The following TOX3 variants were observed in gnomAD, a reference collection of about 807,000 sequenced individuals.
TOX3 encodes TOX high mobility group box family member 3.
In TOX3, 22 loss-of-function variants were observed where a neutral mutation model predicts 64.3. The observed-to-expected ratio is 0.34, with a 90% CI of 0.24 to 0.49. TOX3 has a LOEUF of 0.49. Among genes scored for constraint, TOX3 ranks in the 20% least tolerant of loss-of-function variants. The pLI is 0.99. For synonymous variants in TOX3, 291 were observed against 273.6 expected, an observed-to-expected ratio of 1.06 and a Z score of -0.63; for missense variants, 661 against 714.4, an observed-to-expected ratio of 0.93 and a Z score of 0.85.
intron 1 of TOX3, among the ~76,000 whole-genome samples, chr16:52,501,692 A>C (rs1055877706): frequency 6.6e-5 from 10 of 151,816 alleles, no homozygotes; most frequent in African/African-American, 1.2e-4. Context: ...AAAAAAAAAA[A>C]CAGAGAGAGA....
rs1168498170 is a variant in TOX3, at chr16:52,465,005, C to CTTTTTTTTTTTTT, written c.154-830_154-818dup. Reference sequence around the variant, plus strand: ...AGACCTAAGTAAGTCTTAATGCATTCTTTTTTTTTTTTTTTTTTTTTTTTT... The same window carrying CTTTTTTTTTTTTT: ...AGACCTAAGTAAGTCTTAATGCATTCTTTTTTTTTTTTTTTTTTTTTTTTTTTTTTTTTTTTTT... On this transcript the variant is annotated intron_variant, in intron 2 of 6. Coordinates refer to ENST00000219746, the MANE Select transcript of TOX3 (RefSeq NM_001080430.4). Among the ~76,000 whole-genome samples the CTTTTTTTTTTTTT allele has an allele frequency of 1.9e-3, 133 of 70,956 alleles. 31 individuals are homozygous for CTTTTTTTTTTTTT. Among genetic ancestry groups the CTTTTTTTTTTTTT allele is most frequent in the South Asian group, 3.9e-3 (6 of 1,556 alleles). The allele number at this position is 70,956 out of a possible 152,430, so 46.5% of individuals were successfully genotyped here.
At chr16:52,441,488 C>G (rs1046841454) in intron 6 of TOX3, among the ~76,000 whole-genome samples, 1 of 152,150 alleles carries the variant, frequency 6.6e-6, no homozygotes, top group African/African-American at 2.4e-5. Flanking sequence ...ACATTTTGTA[C>G]TAAAAACACT....
At chr16:52,517,305 C>T (rs1431945674) in intron 1 of TOX3, among the ~76,000 whole-genome samples, 6 of 152,192 alleles carry the variant, frequency 3.9e-5, no homozygotes, top group Non-Finnish European at 7.3e-5. Flanking sequence ...ATTCATACAA[C>T]TTTGACCAGG....
Position 52,439,934 on chromosome 16 carries a change from C to T in TOX3, c.1022G>A (p.Arg341His), listed in dbSNP as rs1033955763. Reference protein sequence around the residue: ...AAESAEAQTIRSVQQTLASTN... With the variant: ...AAESAEAQTIHSVQQTLASTN... ...CGACGCCAGGGTCTGCTGAACAGAA[C>T]GGATGGTCTGGGCTTCTGCTGACTC... is the stretch of plus-strand genomic sequence containing the variant. Residue 341 changes from arginine (R) to histidine (H), a missense_variant, in exon 7 of 7, where the codon CGT (arginine) becomes CAT (histidine). Transcript: ENST00000219746. 8.8e-6 allele frequency: 14 copies of T among 1,589,138 alleles called. No individual in the cohort carries two copies. The highest frequency in any genetic ancestry group is 2.2e-5 in the East Asian group (1 of 44,660).
chr16:52,444,204 GT>G (rs2151741252), intron 6 of TOX3, 71 bp downstream of exon 6: 1 of 1,190,534 alleles, frequency 8.4e-7, no homozygotes, highest in East Asian at 2.7e-5. Context: ...CTACAAGTAT[GT>G]TTTCAATGCT....
At chr16:52,467,949 T>C (rs1401187341) in intron 2 of TOX3, among the ~76,000 whole-genome samples, 2 of 152,174 alleles carry the variant, frequency 1.3e-5, no homozygotes, top group African/African-American at 4.8e-5. Context: ...ATTCATTCTA[T>C]AAATATTTAT....
chr16:52,505,330 T>C (rs1962131732), intron 1 of TOX3, among the ~76,000 whole-genome samples: 1 of 152,188 alleles, frequency 6.6e-6, no homozygotes, highest in South Asian at 2.1e-4. Flanking sequence ...AGCTCTAATT[T>C]TGTTAACTTC....
chr16:52,514,930 G>A (rs1259430426), intron 1 of TOX3, among the ~76,000 whole-genome samples: 3 of 136,894 alleles, frequency 2.2e-5, no homozygotes, highest in Admixed American at 1.6e-4. Flanking sequence ...AGAATGGCAT[G>A]AACCCGGGAG....
At chr16:52,542,559 T>A (rs950830347) in intron 1 of TOX3, among the ~76,000 whole-genome samples, 4 of 152,220 alleles carry the variant, frequency 2.6e-5, no homozygotes, top group African/African-American at 9.6e-5. Context: ...AACACTCTAC[T>A]AATGCTGACG....
chr16:52,531,419 A>C (rs1962849380), intron 1 of TOX3, among the ~76,000 whole-genome samples: 1 of 152,186 alleles, frequency 6.6e-6, no homozygotes, highest in Non-Finnish European at 1.5e-5. Context: ...TTTGATACTA[A>C]ATACGGAGGG....
intron 1 of TOX3, among the ~76,000 whole-genome samples, chr16:52,503,344 C>T (rs1381466936): frequency 1.3e-5 from 2 of 152,144 alleles, no homozygotes; most frequent in African/African-American, 2.4e-5. Context: ...GCTGACAGCC[C>T]TCACCTCATA....
In TOX3 at chr16:52,439,846, T is replaced by G; in HGVS notation, c.1110A>C (p.Ala370=). ...TPLSQHGTVS[A]SPQTLQQSLP... ...GGGATTGCTGGAGAGTCTGAGGTGA[T>G]GCTGACACTGTTCCATGTTGAGACA... The change falls in exon 7 of 7, where the codon GCA becomes GCC. Residue 370 remains alanine, a synonymous_variant. Coordinates refer to ENST00000219746, the MANE Select transcript of TOX3 (RefSeq NM_001080430.4). 3 of 1,613,836 alleles carry G rather than the reference T, an allele frequency of 1.9e-6. No individual in the cohort carries two copies. Among genetic ancestry groups the G allele is most frequent in the Non-Finnish European group, 2.5e-6 (3 of 1,179,820 alleles).
chr16:52,530,761 A>G (rs959874099), intron 1 of TOX3, among the ~76,000 whole-genome samples: 4 of 150,632 alleles, frequency 2.7e-5, no homozygotes, highest in African/African-American at 9.8e-5. Context: ...CATCCATTGC[A>G]TTCTTCTTGG....
intron 1 of TOX3, among the ~76,000 whole-genome samples, chr16:52,482,277 T>C (rs1379674618): frequency 5.3e-5 from 8 of 152,184 alleles, no homozygotes; most frequent in African/African-American, 1.7e-4. Flanking sequence ...ATTCTTGGGA[T>C]CCCAAACAGT....
chr16:52,533,902 G>C (rs1962898763), intron 1 of TOX3, among the ~76,000 whole-genome samples: 1 of 152,194 alleles, frequency 6.6e-6, no homozygotes, highest in South Asian at 2.1e-4. Flanking sequence ...AGGACTGTTG[G>C]AAGGATTTAT....
chr16:52,443,225 G>A (rs2151740424), intron 6 of TOX3, among the ~76,000 whole-genome samples: 2 of 152,278 alleles, frequency 1.3e-5, no homozygotes, highest in South Asian at 2.1e-4. Context: ...CTGCCAATGT[G>A]CAAGTCTGAG....
In TOX3 at chr16:52,439,029, A is replaced by C; in HGVS notation, c.*196T>G. 1 of 821,840 alleles carries C rather than the reference A, an allele frequency of 1.2e-6. No homozygotes were observed. The highest frequency in any genetic ancestry group is 2.1e-6 in the Non-Finnish European group (1 of 486,296). 50.9% of individuals were successfully genotyped at this position (821,840 alleles called of 1,614,324 possible). On this transcript the variant is annotated 3_prime_UTR_variant, in exon 7 of 7. Coordinates refer to ENST00000219746, the MANE Select transcript of TOX3 (RefSeq NM_001080430.4). ...GCTTTTCTTGTTTAAAAACAAAGTG[A>C]TTTATAGTCAGCTAAAAGATGTTAC...
At position 52,439,196 on chromosome 16, in the gene TOX3, A is replaced by G. The variant is rs371848380; in HGVS notation, c.*29T>C. 2.6e-5 allele frequency: 42 copies of G among 1,613,608 alleles called. No homozygotes were observed. The Admixed American group carries it at 3.2e-4, about 12-fold the overall frequency. ...TCCCTCCTATGCCACTCTCCTTGGT[A>G]TACGCAAATCCGTCTGCCATATGCG... is the stretch of plus-strand genomic sequence containing the variant. On this transcript the variant is annotated 3_prime_UTR_variant, in exon 7 of 7. Coordinates refer to ENST00000219746, the MANE Select transcript of TOX3 (RefSeq NM_001080430.4).
chr16:52,475,164 A>G (rs770710662), intron 1 of TOX3, among the ~76,000 whole-genome samples: 3 of 152,190 alleles, frequency 2.0e-5, no homozygotes, highest in Non-Finnish European at 4.4e-5. Context: ...CAACAATATC[A>G]TTACTGCCTT....
Sources: gnomAD v4.1 joint callset for allele counts (sites outside exome capture counted in the v4.1 genomes callset) on GRCh38, gnomAD v4.1.1 for gene constraint, MANE v1.5 for transcripts, NCBI Gene and HGNC (gene_info 2026-07-23, HGNC 2026-07-21) for gene names.